ZBBX: variants seen among roughly 807,000 people sequenced by gnomAD.
The protein encoded by ZBBX is zinc finger B-box domain-containing protein 1.
In ZBBX, 101 loss-of-function variants were observed where a neutral mutation model predicts 108.5. That is an observed-to-expected ratio of 0.93 (90% CI 0.79 to 1.10). ZBBX has a LOEUF of 1.10. Ranked by LOEUF, ZBBX falls within the 50% of genes least tolerant of loss-of-function variation. The pLI, the probability that ZBBX is intolerant of heterozygous loss-of-function variation, is 0.00. For missense variants in ZBBX, 1,009 were observed against 941.4 expected (o/e 1.07, Z -0.94); for synonymous variants, 356 against 323.4 (o/e 1.10, Z -1.08).
chr3:167,336,644 C>T (rs923191778), intron 9 of ZBBX, among the ~76,000 whole-genome samples: 14 of 152,090 alleles, frequency 9.2e-5, no homozygotes, highest in Admixed American at 3.9e-4. Flanking sequence ...TTTTTCCCTA[C>T]TAGATTTATG....
chr3:167,206,365 ATAATT>A, the ZBBX span, among the ~76,000 whole-genome samples: 5 of 152,110 alleles, frequency 3.3e-5, no homozygotes, highest in African/African-American at 9.7e-5. Flanking sequence ...CATACATACT[ATAATT>A]TATTTATTCA....
At chr3:167,393,114 T>C (rs912810178) in intron 1 of ZBBX, among the ~76,000 whole-genome samples, 2 of 151,804 alleles carry the variant, frequency 1.3e-5, no homozygotes. Flanking sequence ...TTTGCCCCTC[T>C]TTCCCTGGAC....
At chr3:167,294,709 C>T (rs1186869114) in intron 18 of ZBBX, among the ~76,000 whole-genome samples, 1 of 152,090 alleles carries the variant, frequency 6.6e-6, no homozygotes, top group African/African-American at 2.4e-5. Context: ...TCTAATTAAA[C>T]TAAAGGGCTT....
chr3:167,329,082 T>A (rs1442845075), intron 10 of ZBBX, among the ~76,000 whole-genome samples: 1 of 152,208 alleles, frequency 6.6e-6, no homozygotes, highest in East Asian at 1.9e-4. Flanking sequence ...TCGATGCATG[T>A]AATACAATGC....
rs765763790 is a variant in ZBBX, at chr3:167,368,581, A to T, written c.69-7T>A. ...TCGCAGTTCTTGAGCATTTCTGAAG[A>T]CATAAGATTTAAATGGAGAAAGCAG... On this transcript the variant is annotated splice_region_variant and splice_polypyrimidine_tract_variant and intron_variant, in intron 4 of 21. Transcript: ENST00000675490. The T allele has an allele frequency of 3.8e-6, 6 of 1,579,336 alleles. No individual in the cohort carries two copies. Among genetic ancestry groups the T allele is most frequent in the Admixed American group, 3.6e-5 (2 of 55,212 alleles).
chr3:167,225,985 C>T, the ZBBX span, among the ~76,000 whole-genome samples: 4 of 151,002 alleles, frequency 2.6e-5, no homozygotes, highest in Non-Finnish European at 5.9e-5. Flanking sequence ...GGGCATGTAG[C>T]TTGTCAGAGT....
intron 20 of ZBBX, among the ~76,000 whole-genome samples, chr3:167,248,140 G>T (rs1721918027): frequency 6.6e-6 from 1 of 152,144 alleles, no homozygotes. Flanking sequence ...ACAGCTCAGG[G>T]CACCTCTTCT....
At chr3:167,383,888 A>T (rs755546749), upstream of ZBBX, among the ~76,000 whole-genome samples, 1 of 152,112 alleles carries the variant, frequency 6.6e-6, no homozygotes, top group African/African-American at 2.4e-5. Flanking sequence ...TATGTAATGT[A>T]TTAAGTACTA....
At chr3:167,331,743 C>T (rs938330024) in intron 10 of ZBBX, 17 of 346,440 alleles carry the variant, frequency 4.9e-5, no homozygotes, top group Non-Finnish European at 6.9e-5. Context: ...ATTCATTACC[C>T]TGTAAGCACA....
At position 167,240,669 on chromosome 3, in the gene ZBBX, T is replaced by G; in HGVS notation, c.*124A>C. 1 of 1,182,970 alleles carries G rather than the reference T, an allele frequency of 8.5e-7. No homozygotes were observed. The highest frequency in any genetic ancestry group is 1.2e-6 in the Non-Finnish European group (1 of 849,836). The allele number at this position is 1,182,970 out of a possible 1,614,324, so 73.3% of individuals were successfully genotyped here. On this transcript the variant is annotated 3_prime_UTR_variant, in exon 22 of 22. Transcript: ENST00000675490. ...TTTTACTTTTATTAGTTTGTAGCCT[T>G]GAAACATCAAAGACATTAGTAATCA...
chr3:167,197,081 T>G, the ZBBX span, among the ~76,000 whole-genome samples: 5 of 152,206 alleles, frequency 3.3e-5, no homozygotes, highest in Admixed American at 2.0e-4. Context: ...ATGATTGCAA[T>G]GCACTATTTC....
chr3:167,245,664 T>C (rs972979378), intron 20 of ZBBX, among the ~76,000 whole-genome samples: 52 of 152,154 alleles, frequency 3.4e-4, no homozygotes, highest in African/African-American at 1.2e-3. Flanking sequence ...GAGATCTGGT[T>C]GTGTAAAAGT....
intron 1 of ZBBX, among the ~76,000 whole-genome samples, 193 bp downstream of exon 1, chr3:167,380,054 C>A (rs1007091489): frequency 7.9e-5 from 12 of 152,170 alleles, no homozygotes; most frequent in Non-Finnish European, 1.8e-4. Context: ...GCAGGCCTGG[C>A]ACTATGTCAG....
chr3:167,191,918 T>TAGAGAG, the ZBBX span, among the ~76,000 whole-genome samples: 70 of 112,544 alleles, frequency 6.2e-4, 4 homozygotes, highest in African/African-American at 2.2e-3. Flanking sequence ...TATATATATA[T>TAGAGAG]ATATATATAT....
intron 9 of ZBBX, among the ~76,000 whole-genome samples, chr3:167,347,742 A>C (rs913127426): frequency 6.6e-6 from 1 of 151,944 alleles, no homozygotes; most frequent in African/African-American, 2.4e-5. Context: ...CTAAGTGCCA[A>C]CCTCACAATT....
rs138142073 is a variant in ZBBX at position 167,239,908 on chromosome 3, T to C, written c.*885A>G. ...GCATGGTGGGGGAGGCCTCAGGAAA[T>C]CATGGTGAAAGGGGAAGCAAACACA... is the stretch of plus-strand genomic sequence containing the variant. On this transcript the variant is annotated 3_prime_UTR_variant, in exon 22 of 22. Transcript: ENST00000675490. 0.012 allele frequency among the ~76,000 whole-genome samples: 1,846 copies of C among 152,138 alleles called. 43 individuals are homozygous for C. Among genetic ancestry groups the C allele is most frequent in the African/African-American group, 0.042 (1,756 of 41,504 alleles).
intron 10 of ZBBX, among the ~76,000 whole-genome samples, chr3:167,329,171 TGAAG>T (rs1295941590): frequency 4.0e-5 from 6 of 151,764 alleles, no homozygotes; most frequent in Non-Finnish European, 7.4e-5. Context: ...CACAAGAAAA[TGAAG>T]GAAGTATTTG....
the ZBBX span, among the ~76,000 whole-genome samples, chr3:167,186,385 TAGGA>T: frequency 1.5e-4 from 23 of 151,002 alleles, no homozygotes; most frequent in Admixed American, 3.3e-4. Context: ...CAAATATTTG[TAGGA>T]AGGAAGGAAG....
At chr3:167,332,513 A>G (rs1407030806) in intron 10 of ZBBX, among the ~76,000 whole-genome samples, 1 of 152,176 alleles carries the variant, frequency 6.6e-6, no homozygotes, top group Non-Finnish European at 1.5e-5. Flanking sequence ...TAAATAACAC[A>G]GAGGAGCCTA....
Sources: allele counts gnomAD v4.1 joint callset (sites outside exome capture counted in the v4.1 genomes callset), GRCh38; gene constraint gnomAD v4.1.1; transcripts MANE v1.5; gene names NCBI Gene and HGNC (gene_info 2026-07-23, HGNC 2026-07-21).